Variants in DEPDC5 observed in about 807,000 individuals in gnomAD.
DEPDC5 encodes DEP domain containing 5, GATOR1 subcomplex subunit, also known as GATOR1 complex protein DEPDC5.
DEPDC5 carries 73 observed loss-of-function variants against 217.3 expected under a neutral mutation model. That is an observed-to-expected ratio of 0.34 (90% confidence interval 0.28 to 0.41). The LOEUF is 0.41. Among genes scored for constraint, DEPDC5 ranks in the 10% least tolerant of loss-of-function variants. DEPDC5 has a pLI of 1.00. For missense variants in DEPDC5, 1,675 were observed against 2,070.1 expected, an observed-to-expected ratio of 0.81 and a Z score of 3.70; for synonymous variants, 733 against 756.7, an observed-to-expected ratio of 0.97 and a Z score of 0.51.
At position 31,767,301 on chromosome 22, in the gene DEPDC5, C is replaced by T. The variant is rs577550229; in HGVS notation, c.363+633C>T. Among the ~76,000 whole-genome samples, 11 of 151,706 alleles carry T rather than the reference C, an allele frequency of 7.3e-5. No individual in the cohort carries two copies. The East Asian group carries it at 1.6e-3, about 21-fold the overall frequency. On this transcript the variant is annotated intron_variant, in intron 6 of 42. Coordinates refer to ENST00000651528, the MANE Select transcript of DEPDC5 (RefSeq NM_001242896.3). ...AATTACAGGCACCCACCACCATGCCCGGCTAATTTTTTTTTGAGACGGAGT... is the reference window on the plus strand; with the variant it reads ...AATTACAGGCACCCACCACCATGCCTGGCTAATTTTTTTTTGAGACGGAGT...
At position 31,874,408 on chromosome 22, in the gene DEPDC5, G is replaced by A. The variant is rs1343744622; in HGVS notation, c.3696+3G>A. On this transcript the variant is annotated splice_donor_region_variant and intron_variant, in intron 36 of 42. Coordinates refer to ENST00000651528, the MANE Select transcript of DEPDC5 (RefSeq NM_001242896.3). Reference sequence around the variant, plus strand: ...CGATGGCCATTGACATCATGCAGGTGAGACAGCAAGAGGGGCCCATAGAGC... The same window carrying A: ...CGATGGCCATTGACATCATGCAGGTAAGACAGCAAGAGGGGCCCATAGAGC... 6.2e-7 allele frequency: 1 copy of A among 1,609,396 alleles called. No individual in the cohort carries two copies. The highest frequency in any genetic ancestry group is 8.5e-7 in the Non-Finnish European group (1 of 1,177,980).
At chr22:31,898,759 TAGAC>T (rs1333077204) in intron 40 of DEPDC5, among the ~76,000 whole-genome samples, 1 of 152,234 alleles carries the variant, frequency 6.6e-6, no homozygotes, top group Non-Finnish European at 1.5e-5. Flanking sequence ...ATTTTTTTTA[TAGAC>T]ACAATGTTCT....
At chr22:31,902,161 T>C (rs78498711) in intron 41 of DEPDC5, among the ~76,000 whole-genome samples, 22 of 152,018 alleles carry the variant, frequency 1.4e-4, no homozygotes, top group African/African-American at 5.3e-4. Context: ...GAAAAGACAA[T>C]GAATGGTTAA....
chr22:31,758,952 G>A (rs1017061917), intron 3 of DEPDC5, among the ~76,000 whole-genome samples: 1 of 151,002 alleles, frequency 6.6e-6, no homozygotes, highest in African/African-American at 2.4e-5. Flanking sequence ...ACCCAGGCTA[G>A]AGTGCAGTTG....
At chr22:31,792,224 T>G (rs866391077) in intron 11 of DEPDC5, 122 bp downstream of exon 11, 4 of 705,812 alleles carry the variant, frequency 5.7e-6, no homozygotes, top group Non-Finnish European at 9.9e-6. Flanking sequence ...TTTTCTGTTA[T>G]GGGGACAGTG....
At chr22:31,831,865 A>C (rs1416993479) in intron 24 of DEPDC5, among the ~76,000 whole-genome samples, 1 of 152,224 alleles carries the variant, frequency 6.6e-6, no homozygotes, top group Non-Finnish European at 1.5e-5. Context: ...CCCACAAACA[A>C]ACACATCAAG....
chr22:31,829,538 A>G (rs113137261), intron 24 of DEPDC5, among the ~76,000 whole-genome samples: 36 of 149,938 alleles, frequency 2.4e-4, no homozygotes, highest in African/African-American at 7.6e-4. Context: ...ATCCCAGGGG[A>G]AAAAAAAAAT....
chr22:31,804,076 C>T (rs1723314515), intron 15 of DEPDC5, 86 bp from the exon 16 acceptor site: 5 of 1,296,300 alleles, frequency 3.9e-6, no homozygotes, highest in Middle Eastern at 3.7e-4. Flanking sequence ...TTGCCTACTA[C>T]CCATTTAAAT....
At chr22:31,780,602 T>G (rs2084330684) in intron 8 of DEPDC5, among the ~76,000 whole-genome samples, 2 of 152,178 alleles carry the variant, frequency 1.3e-5, no homozygotes, top group African/African-American at 4.8e-5. Context: ...CTAGGGTGCC[T>G]AGACCCTGCC....
chr22:31,888,526 A>G (rs563451348), intron 38 of DEPDC5, among the ~76,000 whole-genome samples: 19 of 151,256 alleles, frequency 1.3e-4, no homozygotes, highest in African/African-American at 4.4e-4. Context: ...TGCTGGGATT[A>G]CAGTAGTGAA....
At chr22:31,765,779 T>C (rs1281018152) in intron 5 of DEPDC5, among the ~76,000 whole-genome samples, 2 of 151,862 alleles carry the variant, frequency 1.3e-5, no homozygotes, top group Non-Finnish European at 2.9e-5. Flanking sequence ...TCCCAGCACT[T>C]TGGGAGGCCA....
In DEPDC5 at chr22:31,822,800, C is replaced by G. The variant is rs779221302; in HGVS notation, c.2104+10C>G. On this transcript the variant is annotated intron_variant, in intron 24 of 42. Transcript: ENST00000651528. ...AGCAACAGTGGTGCAGGTAACCAAT[C>G]CAAGAGGTAATAGAGTTGGGATGTT... 5.0e-6 allele frequency: 8 copies of G among 1,613,004 alleles called. No individual in the cohort carries two copies. The African/African-American group carries it at 9.3e-5, about 19-fold the overall frequency.
At chr22:31,882,104 TAC>T (rs1232375546) in intron 38 of DEPDC5, among the ~76,000 whole-genome samples, 1 of 152,080 alleles carries the variant, frequency 6.6e-6, no homozygotes, top group Non-Finnish European at 1.5e-5. Flanking sequence ...ACTTGATAAG[TAC>T]AGTGTTAATC....
At chr22:31,829,230 A>G (rs182880503) in intron 24 of DEPDC5, among the ~76,000 whole-genome samples, 1 of 152,264 alleles carries the variant, frequency 6.6e-6, no homozygotes, top group Admixed American at 6.5e-5. Context: ...TTAACATTTC[A>G]TTCATTAAAA....
intron 7 of DEPDC5, 28 bp downstream of exon 7, chr22:31,768,891 C>G (rs951982957): frequency 5.6e-6 from 9 of 1,610,854 alleles, no homozygotes; most frequent in Non-Finnish European, 7.6e-6. Context: ...CTTGCCTTAT[C>G]TGTGCAGTAA....
chr22:31,876,026 G>A (rs2092982696), intron 36 of DEPDC5, 131 bp from the exon 37 acceptor site: 2 of 667,454 alleles, frequency 3.0e-6, no homozygotes, highest in Admixed American at 4.7e-5. Flanking sequence ...AGTACAACAT[G>A]TCTAATCTGG....
chr22:31,794,895 A>G (rs1469251188), intron 12 of DEPDC5, among the ~76,000 whole-genome samples: 2 of 151,984 alleles, frequency 1.3e-5, no homozygotes, highest in African/African-American at 2.4e-5. Flanking sequence ...CAAAAAAAAC[A>G]AAACAACAAC....
intron 21 of DEPDC5, among the ~76,000 whole-genome samples, chr22:31,818,446 C>G (rs1403153054): frequency 6.6e-6 from 1 of 152,136 alleles, no homozygotes; most frequent in Non-Finnish European, 1.5e-5. Flanking sequence ...AAAAAGAATG[C>G]AGATCATTTG....
chr22:31,792,040 A>T lies in DEPDC5; in HGVS notation c.632A>T (p.Asn211Ile). 6.2e-7 allele frequency: 1 copy of T among 1,612,466 alleles called. No homozygotes were observed. The highest frequency in any genetic ancestry group is 8.5e-7 in the Non-Finnish European group (1 of 1,178,888). The change falls in exon 11 of 43, where the codon AAC becomes ATC. Residue 211 changes from asparagine to isoleucine, a missense_variant. Transcript: ENST00000651528. ...TTCTCTACTCATGCTTAGGAGAAGA[A>T]CTGTAGTCATGAAGTGACAGTGGTC... ...ADLFTKWKEK[N>I]CSHEVTVVLF...
Sources: allele counts gnomAD v4.1 joint callset (sites outside exome capture counted in the v4.1 genomes callset), GRCh38; gene constraint gnomAD v4.1.1; transcripts MANE v1.5; gene names NCBI Gene and HGNC (gene_info 2026-07-23, HGNC 2026-07-21).